The following ANKRD30A variants were observed in gnomAD, a reference collection of about 807,000 sequenced individuals.
ANKRD30A encodes the protein ankyrin repeat domain-containing protein 30A.
A neutral mutation model predicts 166.3 loss-of-function variants in ANKRD30A; 170 were observed. The ratio of observed to expected loss-of-function variants is 1.02; its 90% CI spans 0.90 to 1.16. The LOEUF (loss-of-function observed/expected upper bound fraction) is 1.16. ANKRD30A is among the 50% of genes most tolerant of loss of function. The pLI, the probability that ANKRD30A is intolerant of heterozygous loss-of-function variation, is 0.00. For synonymous variants in ANKRD30A, 564 were observed against 508.9 expected, an observed-to-expected ratio of 1.11 and a Z score of -1.46; for missense variants, 1,630 against 1,518.0, an observed-to-expected ratio of 1.07 and a Z score of -1.23.
intron 34 of ANKRD30A, 91 bp downstream of exon 34, chr10:37,219,988 A>AAAATATATATAT: frequency 5.3e-6 from 1 of 187,518 alleles, no homozygotes. Context: ...AATCTAGTTG[A>AAAATATATATAT]ATATATATAT....
chr10:37,131,938 A>G (rs1836403796), intron 3 of ANKRD30A, among the ~76,000 whole-genome samples: 1 of 152,188 alleles, frequency 6.6e-6, no homozygotes, highest in Non-Finnish European at 1.5e-5. Flanking sequence ...GGGTTTAAGG[A>G]TATAGAGATA....
intron 34 of ANKRD30A, among the ~76,000 whole-genome samples, chr10:37,230,529 T>C (rs2132765966): frequency 6.6e-6 from 1 of 152,234 alleles, no homozygotes; most frequent in South Asian, 2.1e-4. Context: ...AATTTGACAG[T>C]AGTATTGTCA....
chr10:37,237,299 G>A (rs1843707862), downstream of ANKRD30A, among the ~76,000 whole-genome samples: 1 of 152,146 alleles, frequency 6.6e-6, no homozygotes, highest in South Asian at 2.1e-4. Context: ...ATGAGGGTTT[G>A]ACTTAATCAG....
chr10:37,216,964 A>G (rs1842636054), intron 32 of ANKRD30A, among the ~76,000 whole-genome samples: 1 of 151,050 alleles, frequency 6.6e-6, no homozygotes. Context: ...GAAAATGTAT[A>G]ATAATTTATT....
At chr10:37,190,283 C>A (rs1434966754) in intron 25 of ANKRD30A, among the ~76,000 whole-genome samples, 6 of 151,830 alleles carry the variant, frequency 4.0e-5, no homozygotes, top group Non-Finnish European at 7.4e-5. Context: ...GATGCTGATG[C>A]TGGTGGTCCT....
chr10:37,191,700 A>T (rs1267213704), intron 25 of ANKRD30A, among the ~76,000 whole-genome samples: 1 of 151,924 alleles, frequency 6.6e-6, no homozygotes, highest in African/African-American at 2.4e-5. Context: ...TTTTTCATTT[A>T]TTTTAAGATT....
At chr10:37,265,398 C>T in the ANKRD30A span, among the ~76,000 whole-genome samples, 119 of 152,294 alleles carry the variant, frequency 7.8e-4, no homozygotes, top group African/African-American at 2.2e-3. Context: ...TGTCCTTAGA[C>T]CCCAAAAACA....
At chr10:37,152,022 A>G (rs17605911) in intron 11 of ANKRD30A, 38 bp from the exon 12 acceptor site, 163 of 1,532,594 alleles carry the variant, frequency 1.1e-4, no homozygotes, top group Non-Finnish European at 1.4e-4. Flanking sequence ...TAGTAGAGAA[A>G]TGTTGTCATG....
intron 5 of ANKRD30A, among the ~76,000 whole-genome samples, chr10:37,136,346 T>C (rs1179568170): frequency 1.3e-5 from 2 of 152,192 alleles, no homozygotes; most frequent in Non-Finnish European, 2.9e-5. Flanking sequence ...AGATTTTCCA[T>C]TAAGCCAAGC....
At chr10:37,179,319 T>G (rs572654279) in intron 24 of ANKRD30A, among the ~76,000 whole-genome samples, 3 of 150,922 alleles carry the variant, frequency 2.0e-5, no homozygotes, top group African/African-American at 7.3e-5. Flanking sequence ...GAAAATGTTA[T>G]TAATATTTAA....
In ANKRD30A at chr10:37,219,487, A is replaced by G. The variant is rs1449509741; in HGVS notation, c.3775A>G (p.Lys1259Glu). ...TCAACCACTTTCTGAAGCTCAAAGG[A>G]AATCCAAAAGCCTAAAAATTAATCT... is the stretch of plus-strand genomic sequence containing the variant. ...LHQPLSEAQR[K>E]SKSLKINLNY... The change falls in exon 34 of 36, where the codon AAA becomes GAA. Residue 1259 changes from lysine to glutamate, a missense_variant. This residue lies in a region of ANKRD30A where 712 missense variants were observed against 629.3 expected (regional missense o/e 1.13). Transcript: ENST00000361713. 1.2e-6 allele frequency: 2 copies of G among 1,610,380 alleles called. No homozygotes were observed. The highest frequency in any genetic ancestry group is 1.7e-6 in the Non-Finnish European group (2 of 1,177,700).
At chr10:37,248,009 C>A in the ANKRD30A span, 2 of 349,260 alleles carry the variant, frequency 5.7e-6, no homozygotes, top group South Asian at 5.4e-5. Flanking sequence ...TCATGTACCC[C>A]TCAACTTAAA....
intron 27 of ANKRD30A, among the ~76,000 whole-genome samples, chr10:37,193,852 C>A (rs762677737): frequency 2.7e-4 from 41 of 152,092 alleles, no homozygotes; most frequent in Middle Eastern, 3.4e-3. Flanking sequence ...CCTAGAGGTA[C>A]AAAAGAGCCT....
intron 29 of ANKRD30A, among the ~76,000 whole-genome samples, chr10:37,198,425 A>T (rs1013472920): frequency 2.6e-5 from 4 of 152,134 alleles, no homozygotes; most frequent in Non-Finnish European, 4.4e-5. Flanking sequence ...TTTTATGCTG[A>T]TAAGTAATAA....
intron 31 of ANKRD30A, among the ~76,000 whole-genome samples, chr10:37,213,690 T>C (rs1842463682): frequency 6.6e-6 from 1 of 151,502 alleles, no homozygotes; most frequent in African/African-American, 2.4e-5. Context: ...ATCTAATGTG[T>C]TGTGTTTTCA....
chr10:37,150,492 T>C (rs548218247), intron 11 of ANKRD30A, among the ~76,000 whole-genome samples: 2 of 152,254 alleles, frequency 1.3e-5, no homozygotes, highest in South Asian at 4.1e-4. Flanking sequence ...CTTTTTACAC[T>C]AACCTACTTT....
chr10:37,197,484 C>A lies in ANKRD30A; in HGVS notation c.2716+4C>A, dbSNP rs2997347. 165 of 1,612,084 alleles carry A rather than the reference C, an allele frequency of 1.0e-4. No individual in the cohort carries two copies. Among genetic ancestry groups the A allele is most frequent in the South Asian group, 4.7e-4 (43 of 90,988 alleles). On this transcript the variant is annotated splice_donor_region_variant and intron_variant, in intron 29 of 35. Transcript: ENST00000361713. ...AATGAACAAACATTGAGAGCAGGTA[C>A]ATTTTTCAATGTAACTATGCGAAGA...
chr10:37,136,927 A>G (rs1228501055), intron 6 of ANKRD30A, among the ~76,000 whole-genome samples: 2 of 151,558 alleles, frequency 1.3e-5, no homozygotes, highest in Non-Finnish European at 2.9e-5. Flanking sequence ...AATCTCAAAA[A>G]ATGTTACCTG....
At position 37,155,974 on chromosome 10, in the gene ANKRD30A, T is replaced by C. The variant is rs555256886; in HGVS notation, c.1798+2312T>C. Among the ~76,000 whole-genome samples the C allele has an allele frequency of 1.0e-3, 154 of 151,628 alleles. 1 individual carries two copies. The Middle Eastern group carries it at 0.014, about 13-fold the overall frequency. ...TGGGTGCCTGTAGTCCCAGCTACTC[T>C]GGAGGCTGAGGCAGGAAAATGGCGT... is the stretch of plus-strand genomic sequence containing the variant. On this transcript the variant is annotated intron_variant, in intron 13 of 35. Coordinates refer to ENST00000361713, the MANE Select transcript of ANKRD30A (RefSeq NM_052997.3).
Sources: allele counts gnomAD v4.1 joint callset (sites outside exome capture counted in the v4.1 genomes callset), GRCh38; gene constraint gnomAD v4.1.1; regional missense constraint gnomAD v4.1.1; transcripts MANE v1.5; gene names NCBI Gene and HGNC (gene_info 2026-07-23, HGNC 2026-07-21).